Variants in NBEAL1 observed in about 807,000 individuals in gnomAD.
NBEAL1 encodes neurobeachin like 1, also known as neurobeachin-like protein 1.
In NBEAL1, 273 loss-of-function variants were observed where a neutral mutation model predicts 351.3. The observed-to-expected ratio is 0.78, with a 90% CI of 0.70 to 0.86. The LOEUF is 0.86. Ranked by LOEUF, NBEAL1 falls within the 40% of genes least tolerant of loss-of-function variation. The probability of loss-of-function intolerance (pLI) is 0.00; values close to 1 mark genes in which losing one functional copy is unlikely to be tolerated. For synonymous variants in NBEAL1, 1,050 were observed against 1,086.4 expected (o/e 0.97, Z 0.66); for missense variants, 2,961 against 3,201.3 (o/e 0.92, Z 1.81).
chr2:203,164,570 A>C (rs1329249736), intron 36 of NBEAL1, among the ~76,000 whole-genome samples: 1 of 152,026 alleles, frequency 6.6e-6, no homozygotes, highest in Admixed American at 6.6e-5. Context: ...AGGGTTACTC[A>C]TGGCTCTATT....
At chr2:203,142,740 A>G (rs927750383) in intron 31 of NBEAL1, among the ~76,000 whole-genome samples, 7 of 152,176 alleles carry the variant, frequency 4.6e-5, no homozygotes, top group Admixed American at 3.3e-4. Context: ...AAAAGCCCAT[A>G]ATATTACATT....
intron 53 of NBEAL1, among the ~76,000 whole-genome samples, 196 bp from the exon 54 acceptor site, chr2:203,210,762 G>A (rs1037987650): frequency 6.6e-6 from 1 of 152,154 alleles, no homozygotes; most frequent in African/African-American, 2.4e-5. Flanking sequence ...GAGATTTCTC[G>A]TTTAATATTT....
intron 50 of NBEAL1, 63 bp downstream of exon 50, chr2:203,201,778 T>A: frequency 1.5e-6 from 2 of 1,347,006 alleles, no homozygotes; most frequent in Non-Finnish European, 2.0e-6. Flanking sequence ...AGTATAAAAG[T>A]AGTACGTGCT....
chr2:203,202,406 C>A (rs936457179), intron 50 of NBEAL1, among the ~76,000 whole-genome samples: 1 of 152,174 alleles, frequency 6.6e-6, no homozygotes, highest in Admixed American at 6.5e-5. Flanking sequence ...CTATCTCAAA[C>A]TATCTAACCT....
chr2:203,102,378 G>A (rs2062345245), intron 12 of NBEAL1, among the ~76,000 whole-genome samples: 1 of 152,172 alleles, frequency 6.6e-6, no homozygotes, highest in Non-Finnish European at 1.5e-5. Context: ...GGGTATCCCT[G>A]TCTTATTCTG....
chr2:203,108,328 A>G (rs1181971427), intron 14 of NBEAL1, 140 bp downstream of exon 14: 6 of 649,476 alleles, frequency 9.2e-6, no homozygotes, highest in Non-Finnish European at 1.5e-5. Flanking sequence ...TAGGCTTTAT[A>G]CAGTTTAATT....
At chr2:203,118,737 A>G (rs2062756327) in intron 18 of NBEAL1, among the ~76,000 whole-genome samples, 1 of 151,934 alleles carries the variant, frequency 6.6e-6, no homozygotes, top group African/African-American at 2.4e-5. Context: ...GATTACAGGC[A>G]CGTACCACCA....
intron 6 of NBEAL1, among the ~76,000 whole-genome samples, chr2:203,065,464 C>G (rs559373458): frequency 6.6e-6 from 1 of 152,068 alleles, no homozygotes; most frequent in East Asian, 1.9e-4. Context: ...AAAAAAGAAG[C>G]ATGGTGGCTG....
At chr2:203,151,424 A>C in intron 34 of NBEAL1, 41 bp from the exon 35 acceptor site, 1 of 1,428,242 alleles carries the variant, frequency 7.0e-7, no homozygotes, top group Non-Finnish European at 9.5e-7. Context: ...TTTGTAACTT[A>C]AGCTAAATAA....
chr2:203,217,212 C>A (rs1384597286), intron 55 of NBEAL1, 41 bp from the exon 56 acceptor site: 2 of 1,405,374 alleles, frequency 1.4e-6, no homozygotes, highest in African/African-American at 3.0e-5. Context: ...TTAATTTTTT[C>A]TTAATATTTA....
intron 6 of NBEAL1, among the ~76,000 whole-genome samples, chr2:203,059,752 C>T (rs540401608): frequency 6.6e-6 from 1 of 152,310 alleles, no homozygotes; most frequent in East Asian, 1.9e-4. Context: ...GATGTGATGG[C>T]TCATGCCTGT....
intron 47 of NBEAL1, among the ~76,000 whole-genome samples, chr2:203,196,471 T>C (rs1279472388): frequency 6.6e-6 from 1 of 152,236 alleles, no homozygotes; most frequent in Non-Finnish European, 1.5e-5. Flanking sequence ...GTAGAGATAG[T>C]AGTGAAAGCA....
At chr2:203,047,412 G>A (rs1374084401) in intron 3 of NBEAL1, among the ~76,000 whole-genome samples, 1 of 152,100 alleles carries the variant, frequency 6.6e-6, no homozygotes, top group Non-Finnish European at 1.5e-5. Flanking sequence ...AATATTGATA[G>A]AACATACTAC....
At position 203,023,140 on chromosome 2, in the gene NBEAL1, T is replaced by C. The variant is rs529116466; in HGVS notation, c.51+6705T>C. Among the ~76,000 whole-genome samples, 4 of 152,372 alleles carry C rather than the reference T, an allele frequency of 2.6e-5. No homozygotes were observed. The South Asian group carries it at 8.3e-4, about 32-fold the overall frequency. ...GAATATCTGTTTAATGAGAAAATTATTAACTTATTAGTACAATTTTGGTTA... is the reference window on the plus strand; with the variant it reads ...GAATATCTGTTTAATGAGAAAATTACTAACTTATTAGTACAATTTTGGTTA... On this transcript the variant is annotated intron_variant, in intron 2 of 55. Coordinates refer to ENST00000683969, the MANE Select transcript of NBEAL1 (RefSeq NM_001378026.1).
chr2:203,142,748 A>G (rs939077143), intron 31 of NBEAL1, among the ~76,000 whole-genome samples: 2 of 152,168 alleles, frequency 1.3e-5, no homozygotes, highest in African/African-American at 4.8e-5. Context: ...ATAATATTAC[A>G]TTGGTATTTC....
intron 2 of NBEAL1, among the ~76,000 whole-genome samples, chr2:203,028,490 T>C (rs954867356): frequency 6.6e-6 from 1 of 151,920 alleles, no homozygotes; most frequent in Non-Finnish European, 1.5e-5. Flanking sequence ...TAGTTCTTTA[T>C]GGATGTGTAA....
chr2:203,178,747 T>TA (rs1306401259), intron 42 of NBEAL1, among the ~76,000 whole-genome samples: 1 of 152,086 alleles, frequency 6.6e-6, no homozygotes, highest in African/African-American at 2.4e-5. Flanking sequence ...GGCATAGAGA[T>TA]ATAAGGTACA....
At chr2:203,214,925 A>G (rs937642444) in intron 55 of NBEAL1, among the ~76,000 whole-genome samples, 4 of 152,236 alleles carry the variant, frequency 2.6e-5, no homozygotes, top group African/African-American at 7.2e-5. Context: ...AGTGAAAATC[A>G]TATGTAAAAA....
At position 203,097,515 on chromosome 2, in the gene NBEAL1, T is replaced by G. The variant is rs2062208697; in HGVS notation, c.1099-32T>G. 8 of 890,074 alleles carry G rather than the reference T, an allele frequency of 9.0e-6. No homozygotes were observed. The South Asian group carries it at 3.6e-4, about 40-fold the overall frequency. The allele number at this position is 890,074 out of a possible 1,614,324, so 55.1% of individuals were successfully genotyped here. A position where few individuals can be genotyped will look rare whatever the true frequency, so the allele number is the denominator to read the frequency against. On this transcript the variant is annotated intron_variant, in intron 10 of 55. Transcript: ENST00000683969. ...CTTATAGGTAACAATTTAATGTTCT[T>G]TCTCCATTATTCTTGTCTCTGTTTT...
Sources: gnomAD v4.1 joint callset for allele counts (sites outside exome capture counted in the v4.1 genomes callset) on GRCh38, gnomAD v4.1.1 for gene constraint, MANE v1.5 for transcripts, NCBI Gene and HGNC (gene_info 2026-07-23, HGNC 2026-07-21) for gene names.